The following GFRA2 variants were observed in gnomAD, a reference collection of about 807,000 sequenced individuals.
GFRA2 encodes the protein GDNF family receptor alpha 2, also known as GDNF family receptor alpha-2.
GFRA2 carries 17 observed loss-of-function variants against 48.3 expected under a neutral mutation model. The observed-to-expected ratio is 0.35, with a 90% CI of 0.24 to 0.53. The LOEUF (loss-of-function observed/expected upper bound fraction) is 0.53. Among genes scored for constraint, GFRA2 ranks in the 20% least tolerant of loss-of-function variants. The pLI is 0.93. For synonymous variants in GFRA2, 305 were observed against 257.2 expected (o/e 1.19, Z -1.78); for missense variants, 660 against 637.3 (o/e 1.04, Z -0.38).
chr8:21,711,646 T>A (rs1361807769), intron 4 of GFRA2, among the ~76,000 whole-genome samples: 1 of 152,130 alleles, frequency 6.6e-6, no homozygotes, highest in Non-Finnish European at 1.5e-5. Context: ...CATAAGTATG[T>A]CCCACATAAT....
intron 2 of GFRA2, among the ~76,000 whole-genome samples, chr8:21,798,482 T>C (rs1407563259): frequency 6.6e-6 from 1 of 152,218 alleles, no homozygotes; most frequent in Admixed American, 6.5e-5. Flanking sequence ...GTTCACCTCA[T>C]GGAATGAGCC....
intron 1 of GFRA2, 143 bp from the exon 2 acceptor site, chr8:21,783,042 C>G: frequency 1.3e-6 from 1 of 774,258 alleles, no homozygotes; most frequent in Non-Finnish European, 2.2e-6. Context: ...TGGGACAGCC[C>G]TCCTCATACC....
At chr8:21,701,380 C>T (rs1039600084) in intron 7 of GFRA2, among the ~76,000 whole-genome samples, 10 of 152,090 alleles carry the variant, frequency 6.6e-5, no homozygotes, top group Admixed American at 3.9e-4. Flanking sequence ...GGCGAGACTG[C>T]GAGACTCCGT....
At chr8:21,745,535 G>A (rs960330198) in intron 4 of GFRA2, among the ~76,000 whole-genome samples, 1 of 152,228 alleles carries the variant, frequency 6.6e-6, no homozygotes, top group Non-Finnish European at 1.5e-5. Flanking sequence ...CAAACACCCT[G>A]GCATTGGGCT....
intron 4 of GFRA2, among the ~76,000 whole-genome samples, chr8:21,741,960 T>C (rs1585282453): frequency 6.9e-6 from 1 of 145,132 alleles, no homozygotes; most frequent in Non-Finnish European, 1.5e-5. Flanking sequence ...AAGATGCCAA[T>C]GAGGTAGTAA....
chr8:21,712,291 A>G (rs4739216), intron 4 of GFRA2, among the ~76,000 whole-genome samples: 116,437 of 150,884 alleles, frequency 0.77, 45,033 homozygotes, highest in African/African-American at 0.83. Flanking sequence ...CTTCGCAGAC[A>G]GGGCGGCCGG....
intron 4 of GFRA2, among the ~76,000 whole-genome samples, chr8:21,710,782 C>T (rs1324557721): frequency 2.6e-5 from 4 of 152,354 alleles, no homozygotes; most frequent in African/African-American, 4.8e-5. Context: ...GACAGCAAAG[C>T]GTACGGCAAA....
At chr8:21,765,894 A>ATAAT (rs1024941270) in intron 3 of GFRA2, among the ~76,000 whole-genome samples, 5 of 151,966 alleles carry the variant, frequency 3.3e-5, no homozygotes, top group Admixed American at 2.0e-4. Flanking sequence ...CACCTCCAAA[A>ATAAT]TATATTCCCA....
chr8:21,783,016 C>T, intron 1 of GFRA2, 117 bp from the exon 2 acceptor site: 1 of 952,928 alleles, frequency 1.0e-6, no homozygotes, highest in Admixed American at 2.0e-5. Context: ...CGCCAAAGCA[C>T]ACCAAGGCGA....
At chr8:21,774,348 A>G (rs1159502425) in intron 3 of GFRA2, among the ~76,000 whole-genome samples, 2 of 152,254 alleles carry the variant, frequency 1.3e-5, no homozygotes, top group East Asian at 1.9e-4. Flanking sequence ...ATCACTTCCC[A>G]AGGAGGATGG....
At chr8:21,763,602 T>A (rs947293935) in intron 3 of GFRA2, among the ~76,000 whole-genome samples, 1 of 152,034 alleles carries the variant, frequency 6.6e-6, no homozygotes, top group African/African-American at 2.4e-5. Flanking sequence ...GACCTTGACC[T>A]TCATCAACAT....
intron 2 of GFRA2, among the ~76,000 whole-genome samples, chr8:21,796,039 C>T (rs1387382560): frequency 6.6e-6 from 1 of 152,232 alleles, no homozygotes; most frequent in African/African-American, 2.4e-5. Context: ...CGCCTTCCCC[C>T]TTCACAGCTG....
intron 7 of GFRA2, among the ~76,000 whole-genome samples, chr8:21,699,340 T>C (rs531246616): frequency 8.9e-4 from 136 of 152,194 alleles, no homozygotes; most frequent in Non-Finnish European, 1.6e-3. Context: ...AGGGGGGCCT[T>C]GGGGCAGTCT....
chr8:21,706,034 G>A lies in GFRA2; in HGVS notation c.802C>T (p.Leu268=). The A allele has an allele frequency of 2.6e-6, 4 of 1,564,270 alleles. No homozygotes were observed. The highest frequency in any genetic ancestry group is 3.5e-6 in the Non-Finnish European group (4 of 1,153,336). Residue 268 remains leucine, a synonymous_variant, in exon 5 of 9, where the codon CTG becomes TTG. Coordinates refer to ENST00000524240, the MANE Select transcript of GFRA2 (RefSeq NM_001495.5). ...CRTDHLCRSR[L]ADFHANCRAS... ...CGACAATTGGCATGGAAGTCGGCCA[G>A]CCGGGACCTGGTGGTGGGTAGAAGA...
chr8:21,721,583 G>C (rs746895083), intron 4 of GFRA2, among the ~76,000 whole-genome samples: 28 of 152,236 alleles, frequency 1.8e-4, no homozygotes, highest in Non-Finnish European at 3.7e-4. Context: ...CCACACAAAA[G>C]AGTGTTTGGG....
At chr8:21,795,700 A>G (rs1807661687) in intron 2 of GFRA2, among the ~76,000 whole-genome samples, 2 of 152,278 alleles carry the variant, frequency 1.3e-5, no homozygotes, top group South Asian at 4.1e-4. Context: ...GCCTCAGGGA[A>G]CAAACTCACT....
rs144756395 is a variant in GFRA2, at chr8:21,698,691, A to G, written c.1218+4114T>C. On this transcript the variant is annotated intron_variant, in intron 7 of 8. Coordinates refer to ENST00000524240, the MANE Select transcript of GFRA2 (RefSeq NM_001495.5). Reference sequence around the variant, plus strand: ...TCAGTGCTGCCTGTGACAGAAGACAATGCAGACAGGGTGTGGTTGTGAAGT... The same window carrying G: ...TCAGTGCTGCCTGTGACAGAAGACAGTGCAGACAGGGTGTGGTTGTGAAGT... 3.6e-3 allele frequency among the ~76,000 whole-genome samples: 549 copies of G among 152,156 alleles called. 2 individuals are homozygous for G. Among genetic ancestry groups the G allele is most frequent in the African/African-American group, 0.013 (531 of 41,550 alleles).
At chr8:21,796,341 G>T (rs1250883596) in intron 2 of GFRA2, among the ~76,000 whole-genome samples, 1 of 152,230 alleles carries the variant, frequency 6.6e-6, no homozygotes, top group African/African-American at 2.4e-5. Flanking sequence ...GCAGAATCAA[G>T]GAAGAGGGAC....
At chr8:21,730,685 C>T (rs910388161) in intron 4 of GFRA2, among the ~76,000 whole-genome samples, 4 of 152,134 alleles carry the variant, frequency 2.6e-5, no homozygotes, top group East Asian at 1.9e-4. Flanking sequence ...TCCACACAAG[C>T]TCACTCAGAC....
Sources: allele counts gnomAD v4.1 joint callset (sites outside exome capture counted in the v4.1 genomes callset), GRCh38; gene constraint gnomAD v4.1.1; transcripts MANE v1.5; gene names NCBI Gene and HGNC (gene_info 2026-07-23, HGNC 2026-07-21).